The following CDHR1 variants were observed in gnomAD, a reference collection of about 807,000 sequenced individuals.
CDHR1 encodes the protein cadherin-related family member 1.
A neutral mutation model predicts 72.1 loss-of-function variants in CDHR1; 61 were observed. The ratio of observed to expected loss-of-function variants is 0.85; its 90% CI spans 0.69 to 1.05. The LOEUF (loss-of-function observed/expected upper bound fraction) is 1.05, where lower values mean the gene tolerates loss of function less well. CDHR1 is among the 50% of genes least tolerant of loss of function. CDHR1 has a pLI of 0.00. For missense variants in CDHR1, 1,186 were observed against 1,115.7 expected, an observed-to-expected ratio of 1.06 and a Z score of -0.90; for synonymous variants, 470 against 448.1, an observed-to-expected ratio of 1.05 and a Z score of -0.62.
intron 5 of CDHR1, among the ~76,000 whole-genome samples, chr10:84,199,843 C>T (rs972144860): frequency 6.6e-6 from 1 of 152,176 alleles, no homozygotes; most frequent in Non-Finnish European, 1.5e-5. Context: ...TTCTCCTCTG[C>T]CCCTTGACAA....
chr10:84,195,362 T>C, intron 1 of CDHR1, 132 bp from the exon 2 acceptor site: 1 of 826,212 alleles, frequency 1.2e-6, no homozygotes, highest in South Asian at 1.4e-5. Flanking sequence ...TCGGTGCACT[T>C]GGGTTGGGGA....
At chr10:84,204,104 C>T (rs937727479) in intron 8 of CDHR1, among the ~76,000 whole-genome samples, 1 of 152,182 alleles carries the variant, frequency 6.6e-6, no homozygotes, top group African/African-American at 2.4e-5. Flanking sequence ...TCTGGGACCT[C>T]GCATTTGAGG....
In CDHR1 at chr10:84,208,292, AC is replaced by A; in HGVS notation, c.1083del (p.Asn361LysfsTer7). On this transcript the variant is annotated frameshift_variant, in exon 11 of 17. Coordinates refer to ENST00000623527, the MANE Select transcript of CDHR1 (RefSeq NM_033100.4). LOFTEE classifies it high-confidence loss of function. ...TTCTATGGAGAGAGCGGACCCCAAAACAGGTTTGAGCTGTCCATGAATGAGC... is the reference window on the plus strand; with the variant it reads ...TTCTATGGAGAGAGCGGACCCCAAAAAGGTTTGAGCTGTCCATGAATGAGC... ...PTFYGESGPQ[N>X]RFELSMNEHP... 1 of 1,614,036 alleles carries A rather than the reference AC, an allele frequency of 6.2e-7. No individual in the cohort carries two copies. The highest frequency in any genetic ancestry group is 8.5e-7 in the Non-Finnish European group (1 of 1,179,992).
intron 14 of CDHR1, among the ~76,000 whole-genome samples, 199 bp downstream of exon 14, chr10:84,211,914 G>A (rs1842339337): frequency 6.6e-6 from 1 of 152,298 alleles, no homozygotes; most frequent in Middle Eastern, 3.4e-3. Context: ...AGGCAAGCAG[G>A]GCTGGCTGGG....
Position 84,215,200 on chromosome 10 carries a change from C to T in CDHR1, c.*579C>T, listed in dbSNP as rs1842407539. 2 of 997,050 alleles carry T rather than the reference C, an allele frequency of 2.0e-6. No homozygotes were observed. The highest frequency in any genetic ancestry group is 2.4e-6 in the Non-Finnish European group (2 of 836,700). The allele number at this position is 997,050 out of a possible 1,614,324, so 61.8% of individuals were successfully genotyped here. A position where few individuals can be genotyped will look rare whatever the true frequency, so the allele number is the denominator to read the frequency against. ...AAAACACACTGACTGTGGGACTGTGCCAGGATGCATTTGGAAAGATAGAGC... is the reference window on the plus strand; with the variant it reads ...AAAACACACTGACTGTGGGACTGTGTCAGGATGCATTTGGAAAGATAGAGC... On this transcript the variant is annotated 3_prime_UTR_variant, in exon 17 of 17. Transcript: ENST00000623527.
intron 5 of CDHR1, among the ~76,000 whole-genome samples, chr10:84,199,884 TA>T (rs780429537): frequency 5.3e-5 from 8 of 152,174 alleles, no homozygotes; most frequent in Non-Finnish European, 8.8e-5. Context: ...AAATGTTTGC[TA>T]ATTCAGGCTG....
rs754559091 is a variant in CDHR1, at chr10:84,213,109, G to T, written c.1801G>T (p.Glu601Ter). Reference sequence around the variant, plus strand: ...CGCACAGGCCATAGACGAGGATGCAGAGGAACCCAACAACCTGGTGGACTA... The same window carrying T: ...CGCACAGGCCATAGACGAGGATGCATAGGAACCCAACAACCTGGTGGACTA... ...VKIEAIDEDA[E>*]EPNNLVDYSI... Residue 601 changes from glutamate (E) to a stop codon, truncating the protein, a stop_gained, in exon 16 of 17, where the codon GAG (glutamate) becomes TAG (stop). Coordinates refer to ENST00000623527, the MANE Select transcript of CDHR1 (RefSeq NM_033100.4). LOFTEE classifies it high-confidence loss of function. The T allele has an allele frequency of 6.2e-7, 1 of 1,614,234 alleles. No individual in the cohort carries two copies.
intron 10 of CDHR1, among the ~76,000 whole-genome samples, chr10:84,206,927 GA>G (rs1185719876): frequency 6.6e-6 from 1 of 152,198 alleles, no homozygotes; most frequent in Non-Finnish European, 1.5e-5. Context: ...AAGTATGCAT[GA>G]GGCAGATTGC....
chr10:84,217,238 G>T lies in CDHR1; in HGVS notation c.*2617G>T. The T allele has an allele frequency of 1.0e-6, 1 of 985,476 alleles. No individual in the cohort carries two copies. Among genetic ancestry groups the T allele is most frequent in the African/African-American group, 1.7e-5 (1 of 57,338 alleles). 61.0% of individuals were successfully genotyped at this position (985,476 alleles called of 1,614,324 possible). ...CCCAGTAGGACAGGCAGAGCTCCAG[G>T]CTGGCACCATGGTAGGCCTCCAGGG... is the stretch of plus-strand genomic sequence containing the variant. On this transcript the variant is annotated 3_prime_UTR_variant, in exon 17 of 17. Transcript: ENST00000623527.
chr10:84,219,539 C>T (rs1009712420), downstream of CDHR1: 4 of 434,430 alleles, frequency 9.2e-6, no homozygotes, highest in Non-Finnish European at 1.6e-5. Flanking sequence ...ATGGTGACAC[C>T]CTCAAGATCC....
At position 84,214,641 on chromosome 10, in the gene CDHR1, C is replaced by T. The variant is rs1424527167; in HGVS notation, c.*20C>T. 25 of 1,599,304 alleles carry T rather than the reference C, an allele frequency of 1.6e-5. No individual in the cohort carries two copies. The highest frequency in any genetic ancestry group is 1.7e-5 in the Non-Finnish European group (20 of 1,179,586). ...TTCTAGTGTATGCCCTATGACCCCC[C>T]ATCTTTCCTCCGCCCCTGACCCCCA... On this transcript the variant is annotated 3_prime_UTR_variant, in exon 17 of 17. Coordinates refer to ENST00000623527, the MANE Select transcript of CDHR1 (RefSeq NM_033100.4).
chr10:84,196,815 T>A (rs1284248665), intron 3 of CDHR1, among the ~76,000 whole-genome samples, 165 bp downstream of exon 3: 3 of 152,212 alleles, frequency 2.0e-5, no homozygotes, highest in African/African-American at 7.2e-5. Flanking sequence ...CCACTTCCCA[T>A]CAGCAGAGTG....
At position 84,196,601 on chromosome 10, in the gene CDHR1, T is replaced by G; in HGVS notation, c.248T>G (p.Val83Gly). 6.2e-7 allele frequency: 1 copy of G among 1,614,222 alleles called. No homozygotes were observed. Among genetic ancestry groups the G allele is most frequent in the Non-Finnish European group, 8.5e-7 (1 of 1,180,036 alleles). Residue 83 changes from valine to glycine, a missense_variant, in exon 3 of 17, where the codon GTT (valine) becomes GGT (glycine). Transcript: ENST00000623527. ...CCCAGCACTAGAAGCGTCTTTTCTG[T>G]TGACCCCACTTTTGGAAACATCACC... ...FDPSTRSVFS[V>G]DPTFGNITLV...
Position 84,199,129 on chromosome 10 carries a change from AG to A in CDHR1, c.438+10del, listed in dbSNP as rs1274139696. The A allele has an allele frequency of 5.2e-6, 8 of 1,549,814 alleles. No homozygotes were observed. The East Asian group carries it at 2.0e-4, about 38-fold the overall frequency. On this transcript the variant is annotated intron_variant, in intron 5 of 16. Transcript: ENST00000623527. ...GTTGCCCTGGTTCCCGAGGTAAGTG[AG>A]GAGCTGCTAGAGGGGCTGATTTTCC...
Position 84,213,079 on chromosome 10 carries a change from C to A in CDHR1, c.1783-12C>A. 3 of 1,614,220 alleles carry A rather than the reference C, an allele frequency of 1.9e-6. No homozygotes were observed. Among genetic ancestry groups the A allele is most frequent in the Non-Finnish European group, 2.5e-6 (3 of 1,180,034 alleles). On this transcript the variant is annotated splice_polypyrimidine_tract_variant and intron_variant, in intron 15 of 16. Transcript: ENST00000623527. ...CCAAAGCCCAGCTCTGTCTGTCTCTCCCTGCGCACAGGCCATAGACGAGGA... is the reference window on the plus strand; with the variant it reads ...CCAAAGCCCAGCTCTGTCTGTCTCTACCTGCGCACAGGCCATAGACGAGGA...
chr10:84,207,216 C>T (rs1043719104), intron 10 of CDHR1, among the ~76,000 whole-genome samples: 5 of 151,888 alleles, frequency 3.3e-5, no homozygotes, highest in African/African-American at 1.2e-4. Context: ...GGACAATTGG[C>T]CAAGCACAGC....
At position 84,207,015 on chromosome 10, in the gene CDHR1, G is replaced by A. The variant is rs574237146; in HGVS notation, c.963+1088G>A. Reference sequence around the variant, plus strand: ...GATGAAGCCCAGGTGGTCCCGTGCCGTCAGGAGTACAGGACAGCAGGCAAG... The same window carrying A: ...GATGAAGCCCAGGTGGTCCCGTGCCATCAGGAGTACAGGACAGCAGGCAAG... On this transcript the variant is annotated intron_variant, in intron 10 of 16. Coordinates refer to ENST00000623527, the MANE Select transcript of CDHR1 (RefSeq NM_033100.4). Among the ~76,000 whole-genome samples the A allele has an allele frequency of 3.9e-4, 59 of 152,288 alleles. 1 individual carries two copies. Among genetic ancestry groups the A allele is most frequent in the African/African-American group, 8.9e-4 (37 of 41,562 alleles).
Position 84,216,771 on chromosome 10 carries a change from A to G in CDHR1, c.*2150A>G, listed in dbSNP as rs565352007. On this transcript the variant is annotated 3_prime_UTR_variant, in exon 17 of 17. Transcript: ENST00000623527. ...CTTTTCTCCCAAACAGGACAAGCCC[A>G]GGCAGGGCTGCATGGAGAGGAATGG... The G allele has an allele frequency of 4.0e-4, 395 of 985,520 alleles. No individual in the cohort carries two copies. In the African/African-American group the frequency reaches 6.4e-3, roughly 16 times the overall value. The allele number at this position is 985,520 out of a possible 1,614,324, so 61.0% of individuals were successfully genotyped here. A position where few individuals can be genotyped will look rare whatever the true frequency, so the allele number is the denominator to read the frequency against.
At chr10:84,209,012 C>A in intron 12 of CDHR1, 131 bp downstream of exon 12, 1 of 1,005,094 alleles carries the variant, frequency 9.9e-7, no homozygotes, top group Non-Finnish European at 1.5e-6. Flanking sequence ...CTTCTCCAGC[C>A]CTCTGCCCCT....
Sources: allele counts gnomAD v4.1 joint callset (sites outside exome capture counted in the v4.1 genomes callset), GRCh38; gene constraint gnomAD v4.1.1; transcripts MANE v1.5; gene names NCBI Gene and HGNC (gene_info 2026-07-23, HGNC 2026-07-21).